HS6ST2: variants seen among roughly 807,000 people sequenced by gnomAD.
HS6ST2 encodes heparan-sulfate 6-O-sulfotransferase 2.
Under a neutral mutation model 33.0 loss-of-function variants are expected in HS6ST2, and 17 were observed. The ratio of observed to expected loss-of-function variants is 0.52; its 90% CI spans 0.35 to 0.77. HS6ST2 has a LOEUF of 0.77. HS6ST2 is among the 30% of genes least tolerant of loss of function. The pLI, the probability that HS6ST2 is intolerant of heterozygous loss-of-function variation, is 0.01. For synonymous variants in HS6ST2, 248 were observed against 237.1 expected (o/e 1.05, Z -0.42); for missense variants, 519 against 551.7 (o/e 0.94, Z 0.59).
chrX:132,854,301 CA>C (rs1003661987), intron 2 of HS6ST2, among the ~76,000 whole-genome samples: 1 of 112,357 alleles, frequency 8.9e-6, no homozygotes, highest in African/African-American at 3.2e-5. Context: ...TTAAAGAATT[CA>C]GGTACTAACC....
chrX:132,679,439 G>A (rs1202420616), intron 3 of HS6ST2, among the ~76,000 whole-genome samples: 1 of 111,613 alleles, frequency 9.0e-6, no homozygotes, highest in African/African-American at 3.3e-5. Context: ...AGTTTCAAAA[G>A]GGGAGGCAGT....
chrX:132,718,005 A>G (rs1249743043), intron 2 of HS6ST2, among the ~76,000 whole-genome samples: 1 of 112,080 alleles, frequency 8.9e-6, no homozygotes, highest in Non-Finnish European at 1.9e-5. Context: ...AGTTTGCCAA[A>G]CCATCTGGCA....
At position 132,628,615 on chromosome X, in the gene HS6ST2, G is replaced by A. The variant is rs201372916; in HGVS notation, c.1546C>T (p.Arg516Cys). 8.3e-6 allele frequency: 10 copies of A among 1,210,389 alleles called. No homozygotes were observed. Among genetic ancestry groups the A allele is most frequent in the South Asian group, 1.8e-5 (1 of 56,931 alleles). The change falls in exon 5 of 5, where the codon CGT (arginine) becomes TGT (cysteine). Residue 516 changes from arginine to cysteine, a missense_variant. Physicochemically the swap from Arg to Cys is radical, Grantham distance 180. Transcript: ENST00000370833. ...SVEINEEIQK[R>C]IEGLNFLDME... The stretch of plus-strand genomic sequence containing the variant: ...TCCAGAAAATTCAGTCCCTCAATAC[G>A]CTTTTGAATTTCCTCATTGATCTCT...
At chrX:132,860,297 G>A (rs908399068) in intron 2 of HS6ST2, among the ~76,000 whole-genome samples, 5 of 111,708 alleles carry the variant, frequency 4.5e-5, no homozygotes, top group African/African-American at 1.6e-4. Flanking sequence ...CCAAGTCCAG[G>A]GCATTTGGAT....
chrX:132,931,565 T>C (rs1254450957), intron 2 of HS6ST2, among the ~76,000 whole-genome samples: 1 of 111,656 alleles, frequency 9.0e-6, no homozygotes, highest in Non-Finnish European at 1.9e-5. Context: ...AGAAGCAGTG[T>C]CATTTTGAGA....
chrX:132,756,203 G>T (rs891080194), intron 2 of HS6ST2, among the ~76,000 whole-genome samples: 6 of 112,108 alleles, frequency 5.4e-5, no homozygotes, highest in Non-Finnish European at 1.9e-5. Flanking sequence ...AATGGCAGTT[G>T]TTCTAAAATT....
chrX:132,838,217 C>T (rs1429799413), intron 2 of HS6ST2, among the ~76,000 whole-genome samples: 1 of 112,025 alleles, frequency 8.9e-6, no homozygotes, highest in Non-Finnish European at 1.9e-5. Context: ...CCTTCTTGCT[C>T]GTGAAACATA....
At chrX:132,856,679 C>T (rs2065854750) in intron 2 of HS6ST2, among the ~76,000 whole-genome samples, 1 of 111,054 alleles carries the variant, frequency 9.0e-6, no homozygotes, top group African/African-American at 3.3e-5. Context: ...TACAATCCCT[C>T]TGATAGCCCG....
intron 2 of HS6ST2, among the ~76,000 whole-genome samples, chrX:132,881,636 C>T (rs1474858546): frequency 9.0e-6 from 1 of 111,609 alleles, no homozygotes; most frequent in Non-Finnish European, 1.9e-5. Context: ...TAATTAGATC[C>T]CATTTGTCAA....
chrX:132,801,041 A>G (rs2065230425), intron 2 of HS6ST2, among the ~76,000 whole-genome samples: 1 of 111,369 alleles, frequency 9.0e-6, no homozygotes, highest in Non-Finnish European at 1.9e-5. Context: ...TTCTTTATAA[A>G]TTATCCAGTC....
At chrX:132,731,562 C>T (rs1376559416) in intron 2 of HS6ST2, among the ~76,000 whole-genome samples, 1 of 112,421 alleles carries the variant, frequency 8.9e-6, no homozygotes, top group African/African-American at 3.2e-5. Context: ...AGCCAGCACA[C>T]TCAGGCCAGG....
intron 2 of HS6ST2, among the ~76,000 whole-genome samples, chrX:132,737,871 T>A (rs893331423): frequency 8.9e-6 from 1 of 112,382 alleles, no homozygotes; most frequent in Non-Finnish European, 1.9e-5. Context: ...GTTCTGAGAC[T>A]GAGTTCCTGG....
intron 3 of HS6ST2, among the ~76,000 whole-genome samples, chrX:132,690,535 C>T (rs769354795): frequency 9.8e-5 from 11 of 112,173 alleles, no homozygotes; most frequent in Non-Finnish European, 2.1e-4. Flanking sequence ...CTCTTCCTTT[C>T]TCCTTAGCCT....
At chrX:132,693,463 G>T (rs1292394124) in intron 3 of HS6ST2, among the ~76,000 whole-genome samples, 1 of 111,679 alleles carries the variant, frequency 9.0e-6, no homozygotes, top group Non-Finnish European at 1.9e-5. Context: ...TCTAGGGAAA[G>T]ATCTCAGAGG....
chrX:132,951,227 C>T (rs1326324901), intron 2 of HS6ST2, among the ~76,000 whole-genome samples: 2 of 111,575 alleles, frequency 1.8e-5, no homozygotes, highest in Non-Finnish European at 3.8e-5. Context: ...GCACTCTTTC[C>T]ATCCAAGAGC....
chrX:132,680,301 T>G (rs1180661934), intron 3 of HS6ST2, among the ~76,000 whole-genome samples: 1 of 111,333 alleles, frequency 9.0e-6, no homozygotes, highest in Non-Finnish European at 1.9e-5. Context: ...TTGGGGTCCC[T>G]GACTTCCCGC....
intron 2 of HS6ST2, among the ~76,000 whole-genome samples, chrX:132,822,252 G>A (rs1209288554): frequency 9.0e-6 from 1 of 111,483 alleles, no homozygotes; most frequent in Non-Finnish European, 1.9e-5. Context: ...AGCTGGCTCT[G>A]TCGAGTAGGC....
At chrX:132,804,570 C>T (rs930905891) in intron 2 of HS6ST2, among the ~76,000 whole-genome samples, 2 of 112,110 alleles carry the variant, frequency 1.8e-5, no homozygotes, top group African/African-American at 6.5e-5. Flanking sequence ...GAGGCTGAGG[C>T]AGGAGGATCG....
chrX:132,813,525 T>C (rs1200910249), intron 2 of HS6ST2, among the ~76,000 whole-genome samples: 7 of 112,085 alleles, frequency 6.2e-5, no homozygotes, highest in Middle Eastern at 4.6e-3. Context: ...AGTTAGATTA[T>C]AATAAAATTG....
Sources: allele counts gnomAD v4.1 joint callset (sites outside exome capture counted in the v4.1 genomes callset), GRCh38; gene constraint gnomAD v4.1.1; transcripts MANE v1.5; gene names NCBI Gene and HGNC (gene_info 2026-07-23, HGNC 2026-07-21).